GRIP1: variants seen among roughly 807,000 people sequenced by gnomAD.
GRIP1 encodes the protein glutamate receptor interacting protein 1, also known as glutamate receptor-interacting protein 1.
Under a neutral mutation model 129.9 loss-of-function variants are expected in GRIP1, and 45 were observed. That is an observed-to-expected ratio of 0.35 (90% confidence interval 0.27 to 0.44). The LOEUF is 0.44. GRIP1 is among the 20% of genes least tolerant of loss of function. GRIP1 has a pLI of 1.00. For synonymous variants in GRIP1, 530 were observed against 520.8 expected, an observed-to-expected ratio of 1.02 and a Z score of -0.24; for missense variants, 1,196 against 1,396.8, an observed-to-expected ratio of 0.86 and a Z score of 2.29.
chr12:66,996,733 C>T (rs543554822), intron 1 of GRIP1, among the ~76,000 whole-genome samples: 25 of 152,258 alleles, frequency 1.6e-4, no homozygotes, highest in African/African-American at 5.3e-4. Flanking sequence ...AAACCATACC[C>T]CATTGTTTCC....
intron 1 of GRIP1, among the ~76,000 whole-genome samples, chr12:66,600,052 T>C (rs2064211912): frequency 6.6e-6 from 1 of 152,216 alleles, no homozygotes. Flanking sequence ...CAGTGAAGCC[T>C]TTGAAAAGGA....
At chr12:66,860,978 C>T (rs2040101787) in intron 1 of GRIP1, among the ~76,000 whole-genome samples, 1 of 151,968 alleles carries the variant, frequency 6.6e-6, no homozygotes, top group African/African-American at 2.4e-5. Flanking sequence ...CCTTCCTCAA[C>T]ACACAAAAAA....
At chr12:67,011,212 A>G (rs932371037) in intron 1 of GRIP1, among the ~76,000 whole-genome samples, 1 of 152,050 alleles carries the variant, frequency 6.6e-6, no homozygotes, top group Admixed American at 6.6e-5. Flanking sequence ...CATCTCATAA[A>G]CGACATCTCC....
At chr12:66,527,373 A>G (rs1203420278) in intron 5 of GRIP1, among the ~76,000 whole-genome samples, 1 of 151,894 alleles carries the variant, frequency 6.6e-6, no homozygotes, top group Non-Finnish European at 1.5e-5. Flanking sequence ...CATGTCCTTT[A>G]TAGGGACATG....
At position 67,065,006 on chromosome 12, in the gene GRIP1, G is replaced by A. The variant is rs992746208; in HGVS notation, c.58+4044C>T. The A allele has an allele frequency of 2.7e-5, 4 of 146,912 alleles. No individual in the cohort carries two copies. In the South Asian group the frequency reaches 8.6e-4, roughly 32 times the overall value. 9.1% of individuals were successfully genotyped at this position (146,912 alleles called of 1,614,324 possible). A position where few individuals can be genotyped will look rare whatever the true frequency, so the allele number is the denominator to read the frequency against. ...CTATGAGTGAGAATATGCGGTGTTT[G>A]GTTTTTTGTTCTTGCGATAGTTTAC... On this transcript the variant is annotated intron_variant, in intron 1 of 1. Coordinates refer to the GRIP1 transcript ENST00000643019.
At chr12:66,835,924 T>C (rs533350474) in intron 1 of GRIP1, among the ~76,000 whole-genome samples, 6 of 152,154 alleles carry the variant, frequency 3.9e-5, no homozygotes, top group Admixed American at 3.3e-4. Context: ...TGTGCCACTC[T>C]GGTGGGAAAT....
At chr12:66,883,915 T>C (rs966604678) in intron 1 of GRIP1, among the ~76,000 whole-genome samples, 1 of 152,226 alleles carries the variant, frequency 6.6e-6, no homozygotes. Flanking sequence ...TCAAATGAGA[T>C]AATGCATGCA....
intron 1 of GRIP1, among the ~76,000 whole-genome samples, chr12:66,697,355 T>C (rs1381309270): frequency 6.6e-6 from 1 of 152,190 alleles, no homozygotes; most frequent in East Asian, 1.9e-4. Flanking sequence ...GTGCAAAGCT[T>C]CCAGACTTCC....
chr12:66,899,932 C>T (rs1008814074), intron 1 of GRIP1, among the ~76,000 whole-genome samples: 1 of 152,020 alleles, frequency 6.6e-6, no homozygotes, highest in East Asian at 1.9e-4. Flanking sequence ...GCAGGCACTT[C>T]CTGCCTGAAA....
chr12:66,999,375 G>C (rs1256950879), intron 1 of GRIP1, among the ~76,000 whole-genome samples: 1 of 152,128 alleles, frequency 6.6e-6, no homozygotes, highest in African/African-American at 2.4e-5. Flanking sequence ...AGAAAACCCT[G>C]GTGGTAGAGT....
At chr12:66,923,593 G>A (rs2041248105) in intron 1 of GRIP1, among the ~76,000 whole-genome samples, 1 of 152,088 alleles carries the variant, frequency 6.6e-6, no homozygotes, top group African/African-American at 2.4e-5. Context: ...GAAATCATCA[G>A]ATAAAGGCTG....
rs996578343 is a variant in GRIP1, at chr12:66,742,670, G to A, written c.-420+61383C>T. Among the ~76,000 whole-genome samples the A allele has an allele frequency of 5.9e-5, 9 of 152,100 alleles. No individual in the cohort carries two copies. In the East Asian group the frequency reaches 1.7e-3, roughly 29 times the overall value. On this transcript the variant is annotated intron_variant, in intron 1 of 4. Transcript: ENST00000538373. ...AAAGTGCATTGCAAAGTTGTTTCAA[G>A]TGAGAGATAGAACAGGAAATAGAAA...
At chr12:66,626,093 C>T (rs184358724) in intron 1 of GRIP1, among the ~76,000 whole-genome samples, 10 of 152,082 alleles carry the variant, frequency 6.6e-5, no homozygotes, top group East Asian at 1.9e-4. Context: ...GGGAGGCCGA[C>T]GTGGGCAGAT....
chr12:66,833,051 TA>T (rs1209342370), intron 1 of GRIP1, among the ~76,000 whole-genome samples: 1 of 152,226 alleles, frequency 6.6e-6, no homozygotes, highest in Admixed American at 6.5e-5. Flanking sequence ...GGGCAGAATC[TA>T]ATCCTAGAAT....
At chr12:66,770,113 G>A (rs948395648) in intron 1 of GRIP1, among the ~76,000 whole-genome samples, 4 of 152,130 alleles carry the variant, frequency 2.6e-5, no homozygotes, top group African/African-American at 9.7e-5. Context: ...TTATTGAAAT[G>A]AACTAAAACA....
chr12:66,818,711 T>C (rs2039268127), intron 1 of GRIP1, among the ~76,000 whole-genome samples: 1 of 152,210 alleles, frequency 6.6e-6, no homozygotes, highest in Non-Finnish European at 1.5e-5. Context: ...TTGTTTTTAA[T>C]TGCATGTGTG....
chr12:66,832,963 A>G (rs1308868385), intron 1 of GRIP1, among the ~76,000 whole-genome samples: 2 of 152,172 alleles, frequency 1.3e-5, no homozygotes, highest in Non-Finnish European at 2.9e-5. Flanking sequence ...CCCCTGCAGC[A>G]TGGAGTTTGT....
At chr12:66,450,603 TG>T (rs1379382679) in intron 11 of GRIP1, among the ~76,000 whole-genome samples, 1 of 151,718 alleles carries the variant, frequency 6.6e-6, no homozygotes, top group Non-Finnish European at 1.5e-5. Context: ...TATTATGTAT[TG>T]GTTTTATAAT....
chr12:67,029,123 A>C (rs761668851), intron 1 of GRIP1, among the ~76,000 whole-genome samples: 5 of 152,080 alleles, frequency 3.3e-5, no homozygotes, highest in Non-Finnish European at 5.9e-5. Flanking sequence ...AAATTAAAAA[A>C]AATTTTTAGA....
Sources: gnomAD v4.1 joint callset for allele counts (sites outside exome capture counted in the v4.1 genomes callset) on GRCh38, gnomAD v4.1.1 for gene constraint, MANE v1.5 for transcripts, NCBI Gene and HGNC (gene_info 2026-07-23, HGNC 2026-07-21) for gene names.